The following CYFIP1 variants were observed in gnomAD, a reference collection of about 807,000 sequenced individuals.
The protein encoded by CYFIP1 is cytoplasmic FMR1 interacting protein 1.
CYFIP1 carries 58 observed loss-of-function variants against 163.5 expected under a neutral mutation model. That is an observed-to-expected ratio of 0.35 (90% CI 0.29 to 0.44). CYFIP1 has a LOEUF of 0.44. Ranked by LOEUF, CYFIP1 falls within the 20% of genes least tolerant of loss-of-function variation. The pLI is 1.00. For missense variants in CYFIP1, 1,338 were observed against 1,653.8 expected (o/e 0.81, Z 3.31); for synonymous variants, 663 against 660.7 (o/e 1.00, Z -0.05).
At chr15:22,935,389 G>C (rs567793711) in intron 9 of CYFIP1, among the ~76,000 whole-genome samples, 1 of 152,178 alleles carries the variant, frequency 6.6e-6, no homozygotes, top group Non-Finnish European at 1.5e-5. Context: ...CCAAGGACAC[G>C]AAACCCCTAC....
Position 22,868,901 on chromosome 15 carries a change from C to G in CYFIP1, c.*1127G>C, listed in dbSNP as rs2059338482. On this transcript the variant is annotated 3_prime_UTR_variant, in exon 31 of 31. Transcript: ENST00000617928. ...ACTTGTGTTTATCTGTAGTATTCAT[C>G]TACAATAAACAGGCATAGCATCTTT... 6.8e-6 allele frequency: 1 copy of G among 146,632 alleles called. No individual in the cohort carries two copies. The highest frequency in any genetic ancestry group is 7.0e-5 in the Admixed American group (1 of 14,330). 9.1% of individuals were successfully genotyped at this position (146,632 alleles called of 1,614,324 possible). A position where few individuals can be genotyped will look rare whatever the true frequency, so the allele number is the denominator to read the frequency against.
rs2062158650 is a variant in CYFIP1, at chr15:22,949,107, C to G, written c.-6-1816G>C. 1.3e-5 allele frequency among the ~76,000 whole-genome samples: 2 copies of G among 152,190 alleles called. 1 individual carries two copies. Among genetic ancestry groups the G allele is most frequent in the Admixed American group, 1.3e-4 (2 of 15,274 alleles). Reference sequence around the variant, plus strand: ...ACAAGACAAACAAGAAATCCACACCCAGACACATCACGGTCAAACTGCTGA... The same window carrying G: ...ACAAGACAAACAAGAAATCCACACCGAGACACATCACGGTCAAACTGCTGA... On this transcript the variant is annotated intron_variant, in intron 1 of 30. Coordinates refer to ENST00000617928, the MANE Select transcript of CYFIP1 (RefSeq NM_014608.6).
At chr15:22,925,830 G>C (rs984485104) in intron 13 of CYFIP1, 152 bp downstream of exon 13, 1 of 1,184,520 alleles carries the variant, frequency 8.4e-7, no homozygotes, top group African/African-American at 1.5e-5. Context: ...TCTCTAATGC[G>C]TTCTACTCTG....
intron 1 of CYFIP1, among the ~76,000 whole-genome samples, chr15:22,971,055 G>A (rs890700203): frequency 5.9e-5 from 9 of 151,742 alleles, no homozygotes; most frequent in African/African-American, 1.5e-4. Flanking sequence ...CAGCCTGGGC[G>A]ACAGAGCAAG....
chr15:22,948,910 T>G (rs1485698099), intron 1 of CYFIP1, among the ~76,000 whole-genome samples: 2 of 150,392 alleles, frequency 1.3e-5, no homozygotes. Context: ...ATTGAAAAAA[T>G]TTTGGGGATC....
intron 8 of CYFIP1, among the ~76,000 whole-genome samples, chr15:22,938,302 A>G (rs1324591090): frequency 6.6e-6 from 1 of 152,238 alleles, no homozygotes; most frequent in African/African-American, 2.4e-5. Flanking sequence ...AGAATCTTGG[A>G]TAACTTCTGT....
At chr15:22,938,415 G>A (rs1055068909) in intron 8 of CYFIP1, among the ~76,000 whole-genome samples, 4 of 151,218 alleles carry the variant, frequency 2.6e-5, no homozygotes, top group South Asian at 2.1e-4. Context: ...GGTCAGCCAG[G>A]GCAACAAAGT....
At chr15:22,882,440 A>G (rs574541448) in intron 24 of CYFIP1, among the ~76,000 whole-genome samples, 11 of 152,342 alleles carry the variant, frequency 7.2e-5, no homozygotes, top group African/African-American at 2.6e-4. Flanking sequence ...AAACTCTTAC[A>G]TGGTCTCAAG....
chr15:22,877,107 T>C (rs2059608544), intron 26 of CYFIP1, among the ~76,000 whole-genome samples: 1 of 152,170 alleles, frequency 6.6e-6, no homozygotes, highest in African/African-American at 2.4e-5. Flanking sequence ...TAATTGCCAA[T>C]GTAGCAGTGT....
chr15:22,876,301 C>T (rs990934917), intron 26 of CYFIP1, among the ~76,000 whole-genome samples: 3 of 152,014 alleles, frequency 2.0e-5, no homozygotes, highest in Admixed American at 6.6e-5. Flanking sequence ...CAGTGCCAGA[C>T]GCCGGCCAGA....
intron 26 of CYFIP1, among the ~76,000 whole-genome samples, chr15:22,877,384 T>A (rs2059616185): frequency 6.6e-6 from 1 of 152,138 alleles, no homozygotes; most frequent in African/African-American, 2.4e-5. Context: ...TCCTTTTCTT[T>A]ATAAATTACT....
intron 1 of CYFIP1, among the ~76,000 whole-genome samples, chr15:22,972,651 C>A (rs1391131997): frequency 1.3e-5 from 2 of 152,140 alleles, no homozygotes; most frequent in African/African-American, 4.8e-5. Context: ...ACTAGATACA[C>A]ACATACAGAA....
At position 22,909,196 on chromosome 15, in the gene CYFIP1, C is replaced by T. The variant is rs1403168739; in HGVS notation, c.2386G>A (p.Val796Ile). 6.2e-7 allele frequency: 1 copy of T among 1,613,986 alleles called. No individual in the cohort carries two copies. Among genetic ancestry groups the T allele is most frequent in the African/African-American group, 1.3e-5 (1 of 74,920 alleles). The change falls in exon 21 of 31, where the codon GTT becomes ATT. Residue 796 changes from valine to isoleucine, a missense_variant and splice_region_variant. This residue lies in a region of CYFIP1 where 824 missense variants were observed against 995.7 expected (regional missense o/e 0.83). Transcript: ENST00000617928. ...TAGGGCAAAGTGAAATTACTTACAA[C>T]TATGGAGGTCAAATCTTCACTTTCA... ...RFESEDLTSI[V>I]ELDGLLEINR...
intron 13 of CYFIP1, among the ~76,000 whole-genome samples, chr15:22,921,247 A>C (rs1229409198): frequency 1.3e-5 from 2 of 152,012 alleles, no homozygotes; most frequent in Admixed American, 1.3e-4. Flanking sequence ...GCACACCTGT[A>C]GTCCCAGCTA....
chr15:22,948,490 T>C (rs761607515), intron 1 of CYFIP1, among the ~76,000 whole-genome samples: 1 of 152,028 alleles, frequency 6.6e-6, no homozygotes, highest in Non-Finnish European at 1.5e-5. Context: ...AATATCAACA[T>C]CCTCCTAGGA....
chr15:22,921,087 C>T (rs1216679680), intron 13 of CYFIP1, among the ~76,000 whole-genome samples: 1 of 152,080 alleles, frequency 6.6e-6, no homozygotes, highest in Non-Finnish European at 1.5e-5. Context: ...TAACTAAAAG[C>T]ACCCGGGCGC....
intron 1 of CYFIP1, among the ~76,000 whole-genome samples, chr15:22,950,844 A>G (rs1241654794): frequency 2.0e-5 from 3 of 152,220 alleles, no homozygotes; most frequent in African/African-American, 7.2e-5. Flanking sequence ...CTGCATTGCA[A>G]TGCCTGCGCC....
chr15:22,899,000 TAA>T (rs778455020), intron 22 of CYFIP1, among the ~76,000 whole-genome samples: 3 of 141,838 alleles, frequency 2.1e-5, no homozygotes, highest in Admixed American at 7.1e-5. Flanking sequence ...AGACTCTGTC[TAA>T]AAAAAAAAAA....
intron 30 of CYFIP1, chr15:22,872,573 T>A: frequency 4.5e-6 from 2 of 445,706 alleles, no homozygotes; most frequent in Non-Finnish European, 4.1e-6. Context: ...ATTCTGACAA[T>A]GCAGATCCTG....
Sources: allele counts gnomAD v4.1 joint callset (sites outside exome capture counted in the v4.1 genomes callset), GRCh38; gene constraint gnomAD v4.1.1; regional missense constraint gnomAD v4.1.1; transcripts MANE v1.5; gene names NCBI Gene and HGNC (gene_info 2026-07-23, HGNC 2026-07-21).